The following RIMBP2 variants were observed in gnomAD, a reference collection of about 807,000 sequenced individuals.
RIMBP2 encodes RIMS-binding protein 2.
Under a neutral mutation model 118.6 loss-of-function variants are expected in RIMBP2, and 48 were observed. The ratio of observed to expected loss-of-function variants is 0.40; its 90% CI spans 0.32 to 0.51. The LOEUF (loss-of-function observed/expected upper bound fraction) is 0.51, where lower values mean the gene tolerates loss of function less well. RIMBP2 is among the 20% of genes least tolerant of loss of function. RIMBP2 has a pLI of 0.41. For missense variants in RIMBP2, 1,551 were observed against 1,768.3 expected, an observed-to-expected ratio of 0.88 and a Z score of 2.20; for synonymous variants, 762 against 742.9, an observed-to-expected ratio of 1.03 and a Z score of -0.42.
intron 1 of RIMBP2, among the ~76,000 whole-genome samples, chr12:130,689,018 T>C (rs911123424): frequency 6.6e-6 from 1 of 152,202 alleles, no homozygotes; most frequent in African/African-American, 2.4e-5. Flanking sequence ...GCCCACAAAA[T>C]TGATTTCATG....
At chr12:130,664,081 G>A (rs539426678) in intron 1 of RIMBP2, among the ~76,000 whole-genome samples, 10 of 151,586 alleles carry the variant, frequency 6.6e-5, no homozygotes, top group South Asian at 6.2e-4. Flanking sequence ...TATATGTATT[G>A]TATATCTATA....
chr12:130,624,713 C>T (rs184670792), intron 2 of RIMBP2, among the ~76,000 whole-genome samples: 7 of 152,312 alleles, frequency 4.6e-5, no homozygotes, highest in Admixed American at 4.6e-4. Context: ...ATTTAATTCA[C>T]TTTAACTAGG....
At chr12:130,412,553 C>T in intron 19 of RIMBP2, 66 bp downstream of exon 19, 1 of 1,468,706 alleles carries the variant, frequency 6.8e-7, no homozygotes, top group Non-Finnish European at 9.4e-7. Flanking sequence ...CCGCCTGCCT[C>T]TCTGAGCGGC....
intron 14 of RIMBP2, chr12:130,429,109 AAAC>A (rs1444083822): frequency 6.6e-6 from 1 of 152,188 alleles, no homozygotes; most frequent in Non-Finnish European, 1.5e-5. Flanking sequence ...AAAACAAACA[AAAC>A]AAAAGACACT....
chr12:130,398,942 C>T lies in RIMBP2; in HGVS notation c.3900+737G>A, dbSNP rs145226516. On this transcript the variant is annotated intron_variant, in intron 22 of 22. Transcript: ENST00000690449. ...CTTCACTATAAATTCAGTTGCTTTA[C>T]AACTGAGACCAAGTAATATTCTAAT... 1.8e-4 allele frequency: 59 copies of T among 335,876 alleles called. No individual in the cohort carries two copies. The East Asian group carries it at 2.7e-3, about 15-fold the overall frequency. The allele number at this position is 335,876 out of a possible 1,614,324, so 20.8% of individuals were successfully genotyped here.
intron 3 of RIMBP2, among the ~76,000 whole-genome samples, chr12:130,516,314 T>C (rs996635723): frequency 6.6e-6 from 1 of 152,224 alleles, no homozygotes; most frequent in African/African-American, 2.4e-5. Context: ...AATTAACAGC[T>C]TAAAACAACC....
At chr12:130,585,050 A>AT (rs1026438762) in intron 2 of RIMBP2, among the ~76,000 whole-genome samples, 8 of 151,676 alleles carry the variant, frequency 5.3e-5, no homozygotes, top group Admixed American at 1.3e-4. Flanking sequence ...ATGCCCAGAA[A>AT]TTTTTTTTTA....
At chr12:130,652,028 G>A (rs2063251058) in intron 1 of RIMBP2, among the ~76,000 whole-genome samples, 1 of 152,154 alleles carries the variant, frequency 6.6e-6, no homozygotes, top group South Asian at 2.1e-4. Context: ...CTTCCCTCCT[G>A]CCTCAGCTTT....
chr12:130,586,247 G>A (rs1229640857), intron 2 of RIMBP2, among the ~76,000 whole-genome samples: 1 of 152,204 alleles, frequency 6.6e-6, no homozygotes, highest in Non-Finnish European at 1.5e-5. Flanking sequence ...GAGGTCAGGA[G>A]TTCAAGACCA....
At position 130,438,391 on chromosome 12, in the gene RIMBP2, A is replaced by G; in HGVS notation, c.1630T>C (p.Tyr544His). The change falls in exon 12 of 23, where the codon TAC becomes CAC. Residue 544 changes from tyrosine (Y) to histidine (H), a missense_variant. Physicochemically the swap from Tyr to His is moderately conservative, Grantham distance 83. Transcript: ENST00000690449. ...GLSNGANVTG[Y>H]GVYAKGQRVA... ...CTCTGCCCTTTGGCATACACGCCGT[A>G]GCCGGTAACGTTTGCGCCATTGGAC... 6.4e-7 allele frequency: 1 copy of G among 1,559,150 alleles called. No homozygotes were observed. Among genetic ancestry groups the G allele is most frequent in the Non-Finnish European group, 8.7e-7 (1 of 1,149,012 alleles).
At chr12:130,677,962 C>T (rs761597927) in intron 1 of RIMBP2, among the ~76,000 whole-genome samples, 13 of 152,366 alleles carry the variant, frequency 8.5e-5, no homozygotes, top group Admixed American at 2.0e-4. Context: ...GGCTCCCTCT[C>T]CCCTCCTCTC....
At chr12:130,603,538 G>T (rs2059989839) in intron 2 of RIMBP2, among the ~76,000 whole-genome samples, 1 of 152,214 alleles carries the variant, frequency 6.6e-6, no homozygotes, top group South Asian at 2.1e-4. Flanking sequence ...TATTTATGAA[G>T]AAAATTTACA....
chr12:130,643,880 C>T (rs923515235), intron 1 of RIMBP2, among the ~76,000 whole-genome samples: 6 of 152,070 alleles, frequency 3.9e-5, no homozygotes, highest in Admixed American at 1.3e-4. Context: ...GTGGGGTCTG[C>T]GAGGGGCAGC....
In RIMBP2 at chr12:130,397,283, A is replaced by T; in HGVS notation, c.*78T>A. ...GGGAGAAGATTGGGTTTTTTTAGGA[A>T]GTACTTGAGTCATGAAAGCCCTAGT... On this transcript the variant is annotated 3_prime_UTR_variant, in exon 23 of 23. Coordinates refer to ENST00000690449, the MANE Select transcript of RIMBP2 (RefSeq NM_001393629.1). 5.0e-6 allele frequency: 2 copies of T among 397,520 alleles called. No individual in the cohort carries two copies. The highest frequency in any genetic ancestry group is 7.1e-5 in the East Asian group (2 of 28,028). 24.6% of individuals were successfully genotyped at this position (397,520 alleles called of 1,614,324 possible). A position where few individuals can be genotyped will look rare whatever the true frequency, so the allele number is the denominator to read the frequency against.
chr12:130,596,645 T>C (rs1047097774), intron 2 of RIMBP2, among the ~76,000 whole-genome samples: 22 of 152,208 alleles, frequency 1.4e-4, no homozygotes, highest in African/African-American at 5.1e-4. Context: ...CAGTGTGTAA[T>C]GCGGTGCATG....
At chr12:130,456,088 A>G (rs1322867657) in intron 7 of RIMBP2, among the ~76,000 whole-genome samples, 1 of 152,218 alleles carries the variant, frequency 6.6e-6, no homozygotes, top group African/African-American at 2.4e-5. Context: ...ACGAACACAG[A>G]GAAATGAGCT....
chr12:130,451,729 C>G (rs914762341), intron 7 of RIMBP2, among the ~76,000 whole-genome samples: 3 of 152,250 alleles, frequency 2.0e-5, no homozygotes, highest in Non-Finnish European at 4.4e-5. Flanking sequence ...GTGAGGACGG[C>G]GCCTGCTCAC....
At chr12:130,698,310 C>G (rs1189058764) in intron 1 of RIMBP2, among the ~76,000 whole-genome samples, 2 of 152,198 alleles carry the variant, frequency 1.3e-5, no homozygotes, top group Non-Finnish European at 2.9e-5. Context: ...CCTTAACTTG[C>G]TCACTTCAGA....
intron 3 of RIMBP2, among the ~76,000 whole-genome samples, chr12:130,514,939 T>C (rs1399857115): frequency 3.3e-5 from 5 of 152,090 alleles, no homozygotes; most frequent in South Asian, 2.1e-4. Flanking sequence ...TGCAGTGGCG[T>C]GATCTCCGCT....
Sources: gnomAD v4.1 joint callset for allele counts (sites outside exome capture counted in the v4.1 genomes callset) on GRCh38, gnomAD v4.1.1 for gene constraint, MANE v1.5 for transcripts, NCBI Gene and HGNC (gene_info 2026-07-23, HGNC 2026-07-21) for gene names.